PPP1R1C: variants seen among roughly 807,000 people sequenced by gnomAD.
PPP1R1C encodes the protein protein phosphatase 1 regulatory subunit 1C.
Under a neutral mutation model 17.4 loss-of-function variants are expected in PPP1R1C, and 15 were observed. The observed-to-expected ratio is 0.86, with a 90% CI of 0.58 to 1.33. The LOEUF (loss-of-function observed/expected upper bound fraction) is 1.33. PPP1R1C is among the 40% of genes most tolerant of loss of function. PPP1R1C has a pLI of 0.00. For missense variants in PPP1R1C, 143 were observed against 130.0 expected, an observed-to-expected ratio of 1.10 and a Z score of -0.48; for synonymous variants, 35 against 43.1, an observed-to-expected ratio of 0.81 and a Z score of 0.73.
chr2:182,089,769 T>A (rs1688729460), intron 4 of PPP1R1C, among the ~76,000 whole-genome samples: 1 of 152,112 alleles, frequency 6.6e-6, no homozygotes, highest in African/African-American at 2.4e-5. Flanking sequence ...TTGTATTTTG[T>A]CTCAGTCATA....
intron 2 of PPP1R1C, among the ~76,000 whole-genome samples, chr2:182,017,715 G>A (rs150966533): frequency 0.014 from 2,096 of 152,132 alleles, 27 homozygotes; most frequent in Non-Finnish European, 0.024. Flanking sequence ...AAATTAAAAC[G>A]TATAGTGCTA....
At chr2:182,096,195 T>C (rs1688928830) in intron 4 of PPP1R1C, among the ~76,000 whole-genome samples, 1 of 152,210 alleles carries the variant, frequency 6.6e-6, no homozygotes, top group African/African-American at 2.4e-5. Context: ...CAAAAAGGGC[T>C]ATAATTTAAT....
At chr2:182,078,655 C>G (rs771958599) in intron 4 of PPP1R1C, among the ~76,000 whole-genome samples, 37 of 152,288 alleles carry the variant, frequency 2.4e-4, no homozygotes, top group Non-Finnish European at 2.9e-5. Flanking sequence ...GTAGGAGAAA[C>G]GTGGGCTTGA....
intron 2 of PPP1R1C, among the ~76,000 whole-genome samples, chr2:182,046,055 C>G (rs1687333641): frequency 6.6e-6 from 1 of 151,954 alleles, no homozygotes; most frequent in African/African-American, 2.4e-5. Context: ...AACCAAGTAT[C>G]TCATATAGTT....
intron 4 of PPP1R1C, among the ~76,000 whole-genome samples, chr2:182,083,295 G>A (rs994346389): frequency 2.0e-5 from 3 of 151,884 alleles, no homozygotes; most frequent in African/African-American, 7.2e-5. Context: ...GGTGGTTTTT[G>A]GTTACACGGA....
intron 2 of PPP1R1C, among the ~76,000 whole-genome samples, chr2:182,032,478 A>G (rs924610206): frequency 3.3e-5 from 5 of 152,156 alleles, no homozygotes; most frequent in African/African-American, 9.7e-5. Context: ...TAAGGGGAAA[A>G]GATCTTTGTC....
intron 2 of PPP1R1C, among the ~76,000 whole-genome samples, chr2:182,017,776 T>C (rs545774529): frequency 6.6e-6 from 1 of 152,270 alleles, no homozygotes; most frequent in African/African-American, 2.4e-5. Context: ...AGGAGTTTAC[T>C]GCAGAACATG....
At position 182,061,433 on chromosome 2, in the gene PPP1R1C, C is replaced by T; in HGVS notation, c.143-9C>T. 6.9e-7 allele frequency: 1 copy of T among 1,458,926 alleles called. No homozygotes were observed. The highest frequency in any genetic ancestry group is 1.4e-5 in the South Asian group (1 of 73,726). The allele number at this position is 1,458,926 out of a possible 1,614,324, so 90.4% of individuals were successfully genotyped here. ...CATGCCTAATACATTCTACCTACTT[C>T]TCTTACAGAAATAGATGACAAGAGG... On this transcript the variant is annotated splice_polypyrimidine_tract_variant and intron_variant, in intron 2 of 4. Coordinates refer to ENST00000682840, the MANE Select transcript of PPP1R1C (RefSeq NM_001080545.3).
intron 1 of PPP1R1C, among the ~76,000 whole-genome samples, chr2:181,964,775 A>G (rs1684877109): frequency 2.0e-5 from 3 of 152,140 alleles, no homozygotes; most frequent in African/African-American, 7.2e-5. Context: ...GTGCAATCTC[A>G]GCTCACTACA....
chr2:182,024,851 T>C (rs1686544784), intron 2 of PPP1R1C, among the ~76,000 whole-genome samples: 1 of 142,048 alleles, frequency 7.0e-6, no homozygotes, highest in Non-Finnish European at 1.6e-5. Context: ...CAAGAATCTG[T>C]CTCAAAAAAC....
At chr2:181,972,885 T>C (rs1427289782) in intron 1 of PPP1R1C, among the ~76,000 whole-genome samples, 2 of 152,240 alleles carry the variant, frequency 1.3e-5, no homozygotes, top group African/African-American at 2.4e-5. Context: ...AAATAAAGCT[T>C]AGCACATTAC....
At chr2:182,113,789 T>C (rs930347845) in intron 4 of PPP1R1C, among the ~76,000 whole-genome samples, 1 of 152,176 alleles carries the variant, frequency 6.6e-6, no homozygotes, top group Non-Finnish European at 1.5e-5. Flanking sequence ...ATTCATGTCA[T>C]CTTTTCTTAC....
chr2:181,991,873 T>TA (rs1399774381), intron 2 of PPP1R1C, among the ~76,000 whole-genome samples: 2 of 151,368 alleles, frequency 1.3e-5, no homozygotes, highest in East Asian at 3.9e-4. Flanking sequence ...TTCCTATATA[T>TA]TTTTTTTTAT....
chr2:181,987,852 G>T lies in PPP1R1C; in HGVS notation c.95G>T (p.Arg32Ile). 6.2e-7 allele frequency: 1 copy of T among 1,613,512 alleles called. No individual in the cohort carries two copies. Among genetic ancestry groups the T allele is most frequent in the Non-Finnish European group, 8.5e-7 (1 of 1,179,606 alleles). Reference sequence around the variant, plus strand: ...TGTCGTTCACAGATCAGGAAAAGAAGACCTACACCAGCATCACTTGTGATT... The same window carrying T: ...TGTCGTTCACAGATCAGGAAAAGAATACCTACACCAGCATCACTTGTGATT... Reference protein sequence around the residue: ...PEAAEQIRKRRPTPASLVILN... With the variant: ...PEAAEQIRKRIPTPASLVILN... The change falls in exon 2 of 5, where the codon AGA becomes ATA. Residue 32 changes from arginine (R) to isoleucine (I), a missense_variant. Physicochemically the swap from Arg to Ile is moderately conservative, Grantham distance 97. Coordinates refer to ENST00000682840, the MANE Select transcript of PPP1R1C (RefSeq NM_001080545.3).
chr2:182,078,074 G>A (rs909078493), intron 4 of PPP1R1C, among the ~76,000 whole-genome samples: 6 of 152,088 alleles, frequency 3.9e-5, no homozygotes, highest in South Asian at 2.1e-4. Flanking sequence ...CAGCTACTCC[G>A]GAGTCTGAGG....
chr2:182,078,628 AAAG>A (rs1462986675), intron 4 of PPP1R1C, among the ~76,000 whole-genome samples: 1 of 152,218 alleles, frequency 6.6e-6, no homozygotes, highest in African/African-American at 2.4e-5. Flanking sequence ...AAAATAGCAG[AAAG>A]AAGGAGAACT....
chr2:182,069,347 C>T (rs1193146324), intron 4 of PPP1R1C, among the ~76,000 whole-genome samples: 1 of 151,760 alleles, frequency 6.6e-6, no homozygotes, highest in Non-Finnish European at 1.5e-5. Context: ...TAATTTCTTC[C>T]ACTGAGTTTT....
chr2:181,974,135 T>C (rs574901192), intron 1 of PPP1R1C, among the ~76,000 whole-genome samples: 11 of 152,160 alleles, frequency 7.2e-5, no homozygotes, highest in Non-Finnish European at 1.0e-4. Flanking sequence ...GTAGAGACTT[T>C]AAGGTAAAAA....
intron 2 of PPP1R1C, among the ~76,000 whole-genome samples, chr2:182,033,431 A>G (rs1435778157): frequency 6.6e-6 from 1 of 152,240 alleles, no homozygotes; most frequent in Non-Finnish European, 1.5e-5. Context: ...TGGTTGTCCC[A>G]GAGGCATATC....
Sources: gnomAD v4.1 joint callset for allele counts (sites outside exome capture counted in the v4.1 genomes callset) on GRCh38, gnomAD v4.1.1 for gene constraint, MANE v1.5 for transcripts, NCBI Gene and HGNC (gene_info 2026-07-23, HGNC 2026-07-21) for gene names.